DNAH5: variants seen among roughly 807,000 people sequenced by gnomAD.
The protein encoded by DNAH5 is dynein axonemal heavy chain 5, also known as axonemal beta dynein heavy chain 5.
A neutral mutation model predicts 518.2 loss-of-function variants in DNAH5; 372 were observed. The ratio of observed to expected loss-of-function variants is 0.72; its 90% CI spans 0.66 to 0.78. The LOEUF (loss-of-function observed/expected upper bound fraction) is 0.78. Among genes scored for constraint, DNAH5 ranks in the 30% least tolerant of loss-of-function variants. The pLI, the probability that DNAH5 is intolerant of heterozygous loss-of-function variation, is 0.00. For missense variants in DNAH5, 5,523 were observed against 5,687.0 expected, an observed-to-expected ratio of 0.97 and a Z score of 0.93; for synonymous variants, 2,039 against 2,025.9, an observed-to-expected ratio of 1.01 and a Z score of -0.17.
At chr5:13,931,311 T>C in intron 1 of DNAH5, 67 bp from the exon 2 acceptor site, 1 of 1,601,744 alleles carries the variant, frequency 6.2e-7, no homozygotes, top group East Asian at 2.2e-5. Flanking sequence ...TTTGTAATAA[T>C]TTCATACAAT....
chr5:13,832,877 C>T (rs556949805), intron 35 of DNAH5, among the ~76,000 whole-genome samples: 6 of 152,280 alleles, frequency 3.9e-5, no homozygotes, highest in South Asian at 4.2e-4. Flanking sequence ...CATTAGCACT[C>T]GAACTAACCA....
chr5:13,722,885 G>C (rs1745241233), intron 70 of DNAH5, among the ~76,000 whole-genome samples: 1 of 152,184 alleles, frequency 6.6e-6, no homozygotes, highest in Non-Finnish European at 1.5e-5. Context: ...ACTATTTCTA[G>C]ATGGCTTTGG....
rs572870284 is a variant in DNAH5, at chr5:13,754,869, G to A, written c.10420-531C>T. 9.9e-5 allele frequency among the ~76,000 whole-genome samples: 15 copies of A among 152,080 alleles called. No homozygotes were observed. The South Asian group carries it at 2.9e-3, about 29-fold the overall frequency. On this transcript the variant is annotated intron_variant, in intron 61 of 78. Transcript: ENST00000265104. ...TAGTTCTTAAAAACAAATGGTTCCG[G>A]TGGCTCACACCTGTAATCTCAGTAC... is the stretch of plus-strand genomic sequence containing the variant.
chr5:13,744,650 T>C (rs867900485), intron 65 of DNAH5, among the ~76,000 whole-genome samples: 1 of 152,084 alleles, frequency 6.6e-6, no homozygotes, highest in Admixed American at 6.6e-5. Context: ...AATTTACACG[T>C]ACAGGGTGGT....
chr5:13,960,143 T>C, intron 1 of DNAH5, among the ~76,000 whole-genome samples: 1 of 152,188 alleles, frequency 6.6e-6, no homozygotes, highest in Non-Finnish European at 1.5e-5. Flanking sequence ...TCTTTAGTTT[T>C]TGATTTAGCA....
At chr5:13,814,932 A>G in intron 42 of DNAH5, 86 bp from the exon 43 acceptor site, 1 of 1,215,742 alleles carries the variant, frequency 8.2e-7, no homozygotes, top group Non-Finnish European at 1.2e-6. Flanking sequence ...TTGAAGAACT[A>G]TTATATTAGA....
intron 72 of DNAH5, 92 bp downstream of exon 72, chr5:13,718,790 A>T: frequency 9.4e-7 from 1 of 1,068,788 alleles, no homozygotes; most frequent in Non-Finnish European, 1.4e-6. Context: ...TATTTGCTAT[A>T]ACTGTATCCT....
chr5:13,933,400 A>G (rs1357096084), intron 1 of DNAH5, among the ~76,000 whole-genome samples: 1 of 152,212 alleles, frequency 6.6e-6, no homozygotes, highest in African/African-American at 2.4e-5. Flanking sequence ...ATGATTTTCT[A>G]ACAAACATAT....
At chr5:13,826,360 T>G (rs367831396) in intron 38 of DNAH5, among the ~76,000 whole-genome samples, 4 of 152,186 alleles carry the variant, frequency 2.6e-5, no homozygotes, top group African/African-American at 9.7e-5. Context: ...ATTTGAAAGA[T>G]AAGTGATATG....
rs769268441 is a variant in DNAH5, at chr5:13,793,683, A to G, written c.8056T>C (p.Tyr2686His). 1 of 1,614,202 alleles carries G rather than the reference A, an allele frequency of 6.2e-7. No homozygotes were observed. The highest frequency in any genetic ancestry group is 1.1e-5 in the South Asian group (1 of 91,076). Residue 2686 changes from tyrosine (Y) to histidine (H), a missense_variant, in exon 49 of 79, where the codon TAT becomes CAT. Coordinates refer to ENST00000265104, the MANE Select transcript of DNAH5 (RefSeq NM_001369.3). ...AACTCCCCAGGCTTCTCTAGATTAT[A>G]GAATCCATTTTGTTCCATCAGCTGT... Reference protein sequence around the residue: ...VRQLMEQNGFYNLEKPGEFTS... With the variant: ...VRQLMEQNGFHNLEKPGEFTS...
At chr5:13,693,168 G>A (rs6872375) in intron 78 of DNAH5, among the ~76,000 whole-genome samples, 82,932 of 151,948 alleles carry the variant, frequency 0.55, 22,793 homozygotes, top group African/African-American at 0.56. Context: ...ACTCTTCCGG[G>A]AAGTCAATAT....
chr5:13,711,828 C>T (rs1743518522), intron 75 of DNAH5, among the ~76,000 whole-genome samples: 1 of 152,100 alleles, frequency 6.6e-6, no homozygotes, highest in Non-Finnish European at 1.5e-5. Flanking sequence ...AGTCAAAAGA[C>T]CTCTACAAGG....
intron 78 of DNAH5, among the ~76,000 whole-genome samples, chr5:13,693,982 G>T (rs572971352): frequency 6.6e-6 from 1 of 152,110 alleles, no homozygotes; most frequent in Non-Finnish European, 1.5e-5. Flanking sequence ...TACGGTTAAC[G>T]CTAACTATAC....
chr5:13,900,846 G>A (rs1774508404), intron 14 of DNAH5: 2 of 311,106 alleles, frequency 6.4e-6, no homozygotes, highest in South Asian at 7.1e-5. Flanking sequence ...AGAAATACAT[G>A]TATTGGTAGG....
At chr5:13,857,521 T>C (rs1177368483) in intron 30 of DNAH5, among the ~76,000 whole-genome samples, 2 of 152,170 alleles carry the variant, frequency 1.3e-5, no homozygotes, top group Non-Finnish European at 2.9e-5. Context: ...ACTTTAAATT[T>C]CATATGGAAA....
At position 13,690,465 on chromosome 5, in the gene DNAH5, A is replaced by G. The variant is rs1740593719; in HGVS notation, c.*1519T>C. On this transcript the variant is annotated 3_prime_UTR_variant, in exon 79 of 79. Coordinates refer to ENST00000265104, the MANE Select transcript of DNAH5 (RefSeq NM_001369.3). ...CACACCAAAAGAAAGAACTCACAAG[A>G]AAACAGTATCATCTAAGATGGTGGG... 6.6e-6 allele frequency: 1 copy of G among 152,214 alleles called. No homozygotes were observed. The highest frequency in any genetic ancestry group is 6.5e-5 in the Admixed American group (1 of 15,274). The allele number at this position is 152,214 out of a possible 1,614,324, so 9.4% of individuals were successfully genotyped here.
intron 49 of DNAH5, among the ~76,000 whole-genome samples, chr5:13,792,555 C>T (rs1293537813): frequency 1.3e-5 from 2 of 152,108 alleles, no homozygotes; most frequent in Non-Finnish European, 2.9e-5. Flanking sequence ...TTTATAAGTC[C>T]TCTAAGGTTT....
intron 60 of DNAH5, among the ~76,000 whole-genome samples, chr5:13,761,360 G>A (rs1751744002): frequency 6.6e-6 from 1 of 152,144 alleles, no homozygotes; most frequent in South Asian, 2.1e-4. Context: ...TTGGGAGGCC[G>A]AGGTGGGCGG....
At chr5:13,823,116 G>A (rs1293003675) in intron 40 of DNAH5, 147 bp downstream of exon 40, 5 of 740,488 alleles carry the variant, frequency 6.8e-6, no homozygotes, top group Non-Finnish European at 7.4e-6. Flanking sequence ...GTGTGCATTG[G>A]CCTCCCTTAA....
Sources: gnomAD v4.1 joint callset for allele counts (sites outside exome capture counted in the v4.1 genomes callset) on GRCh38, gnomAD v4.1.1 for gene constraint, MANE v1.5 for transcripts, NCBI Gene and HGNC (gene_info 2026-07-23, HGNC 2026-07-21) for gene names.